Variants in ARHGAP15 observed in about 807,000 individuals in gnomAD.
ARHGAP15 encodes Rho GTPase activating protein 15.
Under a neutral mutation model 63.7 loss-of-function variants are expected in ARHGAP15, and 51 were observed. The ratio of observed to expected loss-of-function variants is 0.80; its 90% CI spans 0.64 to 1.01. The LOEUF (loss-of-function observed/expected upper bound fraction) is 1.01, where lower values mean the gene tolerates loss of function less well. Ranked by LOEUF, ARHGAP15 falls within the 50% of genes least tolerant of loss-of-function variation. The pLI is 0.00. For synonymous variants in ARHGAP15, 191 were observed against 193.8 expected (o/e 0.99, Z 0.12); for missense variants, 560 against 564.6 (o/e 0.99, Z 0.08).
chr2:143,176,473 G>T lies in ARHGAP15; in HGVS notation c.165+20818G>T, dbSNP rs529199819. Reference sequence around the variant, plus strand: ...TATATCCTAAATAAGCTTGAGTTTTGGGCAGCTAGTTAAATTATTACATGA... The same window carrying T: ...TATATCCTAAATAAGCTTGAGTTTTTGGCAGCTAGTTAAATTATTACATGA... On this transcript the variant is annotated intron_variant, in intron 2 of 13. Coordinates refer to ENST00000295095, the MANE Select transcript of ARHGAP15 (RefSeq NM_018460.4). 2.0e-5 allele frequency among the ~76,000 whole-genome samples: 3 copies of T among 151,956 alleles called. No individual in the cohort carries two copies. In the South Asian group the frequency reaches 6.3e-4, roughly 32 times the overall value.
At chr2:143,212,877 GTAAT>G (rs1055567838) in intron 3 of ARHGAP15, among the ~76,000 whole-genome samples, 23 of 152,144 alleles carry the variant, frequency 1.5e-4, no homozygotes, top group Admixed American at 3.9e-4. Flanking sequence ...GAATAGTAAA[GTAAT>G]TAATCCTACC....
At position 143,435,568 on chromosome 2, in the gene ARHGAP15, G is replaced by A. The variant is rs370301247; in HGVS notation, c.475-33G>A. The A allele has an allele frequency of 4.0e-6, 6 of 1,504,506 alleles. No homozygotes were observed. The African/African-American group carries it at 7.7e-5, about 19-fold the overall frequency. The allele number at this position is 1,504,506 out of a possible 1,614,324, so 93.2% of individuals were successfully genotyped here. A position where few individuals can be genotyped will look rare whatever the true frequency, so the allele number is the denominator to read the frequency against. ...TCTATCTTACATAGTTTCTTTACCT[G>A]TCTATTTCTTTTTCTTTTTTTTTTT... is the stretch of plus-strand genomic sequence containing the variant. On this transcript the variant is annotated intron_variant, in intron 6 of 13. Coordinates refer to ENST00000295095, the MANE Select transcript of ARHGAP15 (RefSeq NM_018460.4).
chr2:143,207,481 C>G (rs1231860663), intron 3 of ARHGAP15, among the ~76,000 whole-genome samples: 1 of 139,328 alleles, frequency 7.2e-6, no homozygotes, highest in Non-Finnish European at 1.5e-5. Flanking sequence ...CCCATTGACA[C>G]ACACACACAC....
At chr2:143,595,956 G>A (rs1191797583) in intron 11 of ARHGAP15, among the ~76,000 whole-genome samples, 2 of 152,060 alleles carry the variant, frequency 1.3e-5, no homozygotes, top group Non-Finnish European at 2.9e-5. Flanking sequence ...GAGGGTATTA[G>A]ACATTATTTT....
At chr2:143,608,431 A>C (rs530303470) in intron 11 of ARHGAP15, 1 of 152,360 alleles carries the variant, frequency 6.6e-6, no homozygotes, top group South Asian at 2.1e-4. Flanking sequence ...TTGTGAAAAA[A>C]ACATTCTCAA....
At chr2:143,235,884 T>A in intron 5 of ARHGAP15, 2 of 1,494,166 alleles carry the variant, frequency 1.3e-6, no homozygotes, top group Non-Finnish European at 1.8e-6. Context: ...AGTATTTCAA[T>A]TGACTCTAGC....
intron 8 of ARHGAP15, among the ~76,000 whole-genome samples, chr2:143,483,603 A>G (rs1692177904): frequency 6.6e-6 from 1 of 152,222 alleles, no homozygotes; most frequent in Non-Finnish European, 1.5e-5. Context: ...CTCCAACACT[A>G]GAATACAGAC....
intron 11 of ARHGAP15, among the ~76,000 whole-genome samples, chr2:143,605,461 C>T (rs1411177569): frequency 1.3e-5 from 2 of 152,008 alleles, no homozygotes; most frequent in East Asian, 3.9e-4. Context: ...GTGTCAGAAA[C>T]AAGGCATTTC....
chr2:143,413,348 A>C (rs1040236360), intron 6 of ARHGAP15, among the ~76,000 whole-genome samples: 7 of 152,180 alleles, frequency 4.6e-5, no homozygotes, highest in African/African-American at 1.7e-4. Context: ...TGTTTAAGGC[A>C]TAGTCCTTCA....
intron 6 of ARHGAP15, among the ~76,000 whole-genome samples, chr2:143,338,010 T>C (rs10803491): frequency 0.23 from 35,716 of 152,202 alleles, 4,724 homozygotes; most frequent in East Asian, 0.46. Flanking sequence ...ACCTTTAATG[T>C]GTCTAGTAAC....
At chr2:143,524,892 T>C (rs1694199475) in intron 10 of ARHGAP15, among the ~76,000 whole-genome samples, 1 of 152,240 alleles carries the variant, frequency 6.6e-6, no homozygotes, top group Non-Finnish European at 1.5e-5. Context: ...AATACAGCTA[T>C]TGTACAGTAC....
At chr2:143,265,924 CA>C (rs1680965664) in intron 6 of ARHGAP15, among the ~76,000 whole-genome samples, 1 of 151,942 alleles carries the variant, frequency 6.6e-6, no homozygotes, top group South Asian at 2.1e-4. Context: ...TTTAAAGTTT[CA>C]ATAAAATATA....
intron 9 of ARHGAP15, among the ~76,000 whole-genome samples, chr2:143,514,863 T>C (rs957052713): frequency 2.6e-5 from 4 of 152,010 alleles, no homozygotes; most frequent in African/African-American, 7.2e-5. Flanking sequence ...AGAGGATGAG[T>C]AGAAATCTGC....
chr2:143,764,053 AATTT>A (rs1292761424), intron 13 of ARHGAP15, among the ~76,000 whole-genome samples: 1 of 152,070 alleles, frequency 6.6e-6, no homozygotes, highest in African/African-American at 2.4e-5. Context: ...TTATTTTAAA[AATTT>A]ATTTTTTAAA....
chr2:143,313,583 G>GGGT (rs1161469238), intron 6 of ARHGAP15, among the ~76,000 whole-genome samples: 1 of 152,126 alleles, frequency 6.6e-6, no homozygotes, highest in Non-Finnish European at 1.5e-5. Context: ...GTGTATGGGA[G>GGGT]GGTAGGTTGG....
intron 11 of ARHGAP15, among the ~76,000 whole-genome samples, chr2:143,594,915 A>C (rs1018272674): frequency 6.6e-6 from 1 of 152,174 alleles, no homozygotes; most frequent in Admixed American, 6.6e-5. Context: ...AGCAGCATCA[A>C]AGTTAACATC....
At chr2:143,671,536 A>C (rs530459698) in intron 12 of ARHGAP15, among the ~76,000 whole-genome samples, 1 of 152,152 alleles carries the variant, frequency 6.6e-6, no homozygotes, top group Non-Finnish European at 1.5e-5. Context: ...TCTTTGCAAA[A>C]TTTTAGTGTG....
chr2:143,652,659 G>A (rs544917552), intron 12 of ARHGAP15, among the ~76,000 whole-genome samples: 7 of 151,946 alleles, frequency 4.6e-5, no homozygotes, highest in Admixed American at 6.6e-5. Context: ...ATTTATCCCC[G>A]AGTATTTCAT....
At chr2:143,215,769 T>A (rs1692734078) in intron 3 of ARHGAP15, among the ~76,000 whole-genome samples, 1 of 152,226 alleles carries the variant, frequency 6.6e-6, no homozygotes, top group Non-Finnish European at 1.5e-5. Flanking sequence ...TTGTTGAATT[T>A]CCTTTAAGAA....
Sources: gnomAD v4.1 joint callset for allele counts (sites outside exome capture counted in the v4.1 genomes callset) on GRCh38, gnomAD v4.1.1 for gene constraint, MANE v1.5 for transcripts, NCBI Gene and HGNC (gene_info 2026-07-23, HGNC 2026-07-21) for gene names.